The following OR4E2 variants were observed in gnomAD, a reference collection of about 807,000 sequenced individuals.
OR4E2 encodes olfactory receptor 4E2.
OR4E2 carries 9 observed loss-of-function variants against 11.0 expected under a neutral mutation model. The observed-to-expected ratio is 0.82, with a 90% CI of 0.49 to 1.43. OR4E2 has a LOEUF of 1.43. Among genes scored for constraint, OR4E2 ranks in the 40% most tolerant of loss-of-function variants. The pLI is 0.00. For synonymous variants in OR4E2, 159 were observed against 147.3 expected, an observed-to-expected ratio of 1.08 and a Z score of -0.57; for missense variants, 441 against 382.0, an observed-to-expected ratio of 1.15 and a Z score of -1.29.
intron 1 of OR4E2, among the ~76,000 whole-genome samples, chr14:21,654,302 G>A (rs1461588449): frequency 6.6e-6 from 1 of 152,020 alleles, no homozygotes; most frequent in East Asian, 1.9e-4. Context: ...TCATTGCAAA[G>A]AAGGTAATTA....
In OR4E2 at chr14:21,665,335, T is replaced by G; in HGVS notation, c.253T>G (p.Leu85Val). The change falls in exon 4 of 4, where the codon TTG becomes GTG. Residue 85 changes from leucine (L) to valine (V), a missense_variant. Leu to Val is a conservative substitution (Grantham distance 32, BLOSUM62 1). Transcript: ENST00000641524. ...CACTGTGCCTAAGATGTTGGAGGGT[T>G]TGCTTTTAGAAAGAAAGACCATTTC... is the stretch of plus-strand genomic sequence containing the variant. ...SVTVPKMLEG[L>V]LLERKTISFD... 5 of 1,614,152 alleles carry G rather than the reference T, an allele frequency of 3.1e-6. No individual in the cohort carries two copies. The highest frequency in any genetic ancestry group is 4.2e-6 in the Non-Finnish European group (5 of 1,180,014).
At chr14:21,662,469 T>G (rs926233480) in intron 3 of OR4E2, among the ~76,000 whole-genome samples, 1 of 151,986 alleles carries the variant, frequency 6.6e-6, no homozygotes, top group African/African-American at 2.4e-5. Flanking sequence ...ACCTGGCTAA[T>G]TTTTGTATTT....
At chr14:21,659,881 G>C (rs1193331869) in intron 2 of OR4E2, among the ~76,000 whole-genome samples, 1 of 152,040 alleles carries the variant, frequency 6.6e-6, no homozygotes, top group Non-Finnish European at 1.5e-5. Context: ...CAGTATATTA[G>C]AAGGTGATCA....
Position 21,665,541 on chromosome 14 carries a change from T to C in OR4E2, c.459T>C (p.Thr153=). The C allele has an allele frequency of 6.2e-7, 1 of 1,614,182 alleles. No individual in the cohort carries two copies. The highest frequency in any genetic ancestry group is 1.3e-5 in the African/African-American group (1 of 75,032). ...TCTTTGCTCTCTGGTTGGGGGGTAC[T>C]GTTCACTCACTAGGGCAGACCTTCT... is the stretch of plus-strand genomic sequence containing the variant. The part of the protein sequence containing the change: ...QLVFALWLGG[T]VHSLGQTFLT... The change falls in exon 4 of 4, where the codon ACT becomes ACC. Residue 153 remains threonine, a synonymous_variant. Transcript: ENST00000641524.
intron 2 of OR4E2, among the ~76,000 whole-genome samples, chr14:21,660,338 C>T (rs7160361): frequency 0.26 from 38,963 of 152,114 alleles, 5,565 homozygotes; most frequent in Non-Finnish European, 0.33. Flanking sequence ...CCATCTGTGG[C>T]CCAGGTGCTG....
intron 3 of OR4E2, among the ~76,000 whole-genome samples, chr14:21,661,109 A>G (rs1476241563): frequency 6.6e-6 from 1 of 152,176 alleles, no homozygotes; most frequent in Non-Finnish European, 1.5e-5. Context: ...TGCTTATTAT[A>G]CAAACTTGAA....
chr14:21,664,050 C>T (rs975814987), intron 3 of OR4E2, among the ~76,000 whole-genome samples: 2 of 152,146 alleles, frequency 1.3e-5, no homozygotes, highest in Admixed American at 6.5e-5. Context: ...GTAAACAGTG[C>T]TGCAATGAGC....
chr14:21,654,312 A>G (rs999437956), intron 1 of OR4E2, among the ~76,000 whole-genome samples: 2 of 151,994 alleles, frequency 1.3e-5, no homozygotes, highest in African/African-American at 4.8e-5. Context: ...GAAGGTAATT[A>G]TATTAGTCAG....
chr14:21,657,641 A>C (rs1880084200), intron 2 of OR4E2, among the ~76,000 whole-genome samples: 1 of 142,960 alleles, frequency 7.0e-6, no homozygotes. Context: ...CCCAGGCTGG[A>C]GCTCGGTGGC....
intron 3 of OR4E2, 51 bp from the exon 4 acceptor site, chr14:21,665,024 C>A: frequency 2.2e-6 from 2 of 915,502 alleles, no homozygotes; most frequent in South Asian, 1.6e-5. Context: ...TCAATTAGTT[C>A]TATTCCTATA....
intron 2 of OR4E2, among the ~76,000 whole-genome samples, chr14:21,657,420 T>TCC (rs1880031251): frequency 6.8e-6 from 1 of 146,180 alleles, no homozygotes; most frequent in South Asian, 2.3e-4. Flanking sequence ...CTTTCTTTCT[T>TCC]TCTCTTTCTT....
In OR4E2 at chr14:21,665,801, G is replaced by T; in HGVS notation, c.719G>T (p.Cys240Phe). 1 of 1,613,798 alleles carries T rather than the reference G, an allele frequency of 6.2e-7. No homozygotes were observed. The highest frequency in any genetic ancestry group is 1.1e-5 in the South Asian group (1 of 91,024). The change falls in exon 4 of 4, where the codon TGC becomes TTC. Residue 240 changes from cysteine to phenylalanine, a missense_variant. Physicochemically the swap from Cys to Phe is radical, Grantham distance 205. Coordinates refer to ENST00000641524, the MANE Select transcript of OR4E2 (RefSeq NM_001001912.3). ...AEGRRKALSTCSAHFMVVALF... is the reference protein window; with the variant it reads ...AEGRRKALSTFSAHFMVVALF... ...GGGCGCCGGAAAGCCCTGTCTACCT[G>T]CTCGGCCCACTTCATGGTGGTTGCC...
rs953879434 is a variant in OR4E2 at position 21,656,568 on chromosome 14, C to T, written c.-124C>T. The T allele has an allele frequency of 1.5e-4, 23 of 152,016 alleles. 1 individual carries two copies. Among genetic ancestry groups the T allele is most frequent in the Non-Finnish European group, 7.4e-5 (5 of 68,000 alleles). 9.4% of individuals were successfully genotyped at this position (152,016 alleles called of 1,614,324 possible). A position where few individuals can be genotyped will look rare whatever the true frequency, so the allele number is the denominator to read the frequency against. On this transcript the variant is annotated 5_prime_UTR_variant, in exon 2 of 4. Coordinates refer to ENST00000641524, the MANE Select transcript of OR4E2 (RefSeq NM_001001912.3). ...CTTTATAACAATTAGCTAAAGCATC[C>T]CTGCACAACTGGAGAAAACTGGTAA... is the stretch of plus-strand genomic sequence containing the variant.
chr14:21,665,937 C>T lies in OR4E2; in HGVS notation c.855C>T (p.Phe285=). 6.2e-7 allele frequency: 1 copy of T among 1,613,774 alleles called. No individual in the cohort carries two copies. Residue 285 remains phenylalanine (F), a synonymous_variant, in exon 4 of 4, where the codon TTC becomes TTT. Coordinates refer to ENST00000641524, the MANE Select transcript of OR4E2 (RefSeq NM_001001912.3). ...YTVVTPLLNP[F]IYTLRNEEVK... Reference sequence around the variant, plus strand: ...TGGTCACCCCTTTGCTGAATCCCTTCATTTACACCTTGAGGAATGAGGAGG... The same window carrying T: ...TGGTCACCCCTTTGCTGAATCCCTTTATTTACACCTTGAGGAATGAGGAGG...
intron 3 of OR4E2, among the ~76,000 whole-genome samples, chr14:21,661,485 A>T (rs11849207): frequency 0.03 from 4,579 of 152,240 alleles, 231 homozygotes; most frequent in African/African-American, 0.1. Context: ...GCTTAACAAT[A>T]TGTTATTGAC....
intron 2 of OR4E2, among the ~76,000 whole-genome samples, chr14:21,660,274 C>A (rs140405092): frequency 6.6e-6 from 1 of 152,292 alleles, no homozygotes; most frequent in Non-Finnish European, 1.5e-5. Flanking sequence ...TGACAGGAGG[C>A]AGAGCTCAGG....
At chr14:21,659,625 A>G (rs1880201083) in intron 2 of OR4E2, among the ~76,000 whole-genome samples, 1 of 152,254 alleles carries the variant, frequency 6.6e-6, no homozygotes, top group Non-Finnish European at 1.5e-5. Flanking sequence ...TGATAATAAT[A>G]TATTTTGAGG....
In OR4E2 at chr14:21,657,489, TTCCTTCCTTCCTTCC is replaced by T. The variant is rs1594543654; in HGVS notation, c.-103+902_-103+916del. 1.0e-4 allele frequency among the ~76,000 whole-genome samples: 12 copies of T among 119,958 alleles called. No individual in the cohort carries two copies. In the East Asian group the frequency reaches 1.8e-3, roughly 18 times the overall value. The allele number at this position is 119,958 out of a possible 152,430, so 78.7% of individuals were successfully genotyped here. A position where few individuals can be genotyped will look rare whatever the true frequency, so the allele number is the denominator to read the frequency against. On this transcript the variant is annotated intron_variant, in intron 2 of 3. Coordinates refer to ENST00000641524, the MANE Select transcript of OR4E2 (RefSeq NM_001001912.3). ...CTTCCTTCCTTCCTTCCTTCCTTCC[TTCCTTCCTTCCTTCC>T]TTCTTTCTTTGTTTTTCTTTCTTTC... is the stretch of plus-strand genomic sequence containing the variant.
chr14:21,655,456 A>G (rs2139794478), intron 1 of OR4E2, among the ~76,000 whole-genome samples: 1 of 152,238 alleles, frequency 6.6e-6, no homozygotes, highest in Admixed American at 6.5e-5. Flanking sequence ...CTTGACACCA[A>G]GAACTCGAGA....
Sources: allele counts gnomAD v4.1 joint callset (sites outside exome capture counted in the v4.1 genomes callset), GRCh38; gene constraint gnomAD v4.1.1; transcripts MANE v1.5; gene names NCBI Gene and HGNC (gene_info 2026-07-23, HGNC 2026-07-21).